The following ADSL variants were observed in gnomAD, a reference collection of about 807,000 sequenced individuals.
ADSL encodes the protein adenylosuccinate lyase.
ADSL carries 44 observed loss-of-function variants against 62.1 expected under a neutral mutation model. That is an observed-to-expected ratio of 0.71 (90% CI 0.56 to 0.91). The LOEUF (loss-of-function observed/expected upper bound fraction) is 0.91, where lower values mean the gene tolerates loss of function less well. Among genes scored for constraint, ADSL ranks in the 40% least tolerant of loss-of-function variants. The pLI is 0.00. For missense variants in ADSL, 531 were observed against 627.4 expected (o/e 0.85, Z 1.64); for synonymous variants, 198 against 220.5 (o/e 0.90, Z 0.90).
At chr22:40,358,090 GT>G (rs2044634666) in intron 4 of ADSL, among the ~76,000 whole-genome samples, 1 of 151,960 alleles carries the variant, frequency 6.6e-6, no homozygotes, top group Non-Finnish European at 1.5e-5. Flanking sequence ...ATCTTGTTTT[GT>G]TTTCTTTTTT....
chr22:40,380,199 A>G (rs76715661), intron 2 of ADSL, among the ~76,000 whole-genome samples: 2 of 152,154 alleles, frequency 1.3e-5, no homozygotes, highest in East Asian at 1.9e-4. Flanking sequence ...TTGTATGACT[A>G]TTAACATTTT....
Position 40,354,319 on chromosome 22 carries a change from A to T in ADSL, c.474A>T (p.Thr158=), listed in dbSNP as rs1309666335. The change falls in exon 4 of 13, where the codon ACA becomes ACT. Residue 158 remains threonine, a synonymous_variant. Transcript: ENST00000623063. ...CCAGTCTACCCACATTAGGTTTCAC[A>T]CATTTCCAGTAAGTGATAAGATTAC... The part of the protein sequence containing the change: ...ERASLPTLGF[T]HFQPAQLTTV... 1 of 1,613,872 alleles carries T rather than the reference A, an allele frequency of 6.2e-7. No homozygotes were observed. Among genetic ancestry groups the T allele is most frequent in the Non-Finnish European group, 8.5e-7 (1 of 1,179,708 alleles).
intron 11 of ADSL, chr22:40,364,582 C>T (rs1317892089): frequency 3.1e-6 from 2 of 652,480 alleles, no homozygotes. Flanking sequence ...AAAGTCCACT[C>T]CTAGTGAAGG....
At chr22:40,381,477 G>C (rs2047573576) in intron 2 of ADSL, among the ~76,000 whole-genome samples, 1 of 152,114 alleles carries the variant, frequency 6.6e-6, no homozygotes, top group Non-Finnish European at 1.5e-5. Flanking sequence ...GCAAGATAGT[G>C]CATTTAGGAA....
Position 40,367,898 on chromosome 22 carries a change from G to A in ADSL, c.*1376G>A, listed in dbSNP as rs1286745886. ...TGTAAATAAGTTAATCTTAAACTCA[G>A]TATGCACCAGAACTGAGAGAAGACT... On this transcript the variant is annotated 3_prime_UTR_variant, in exon 13 of 13. Transcript: ENST00000623063. 2.0e-5 allele frequency: 3 copies of A among 152,210 alleles called. No homozygotes were observed. Among genetic ancestry groups the A allele is most frequent in the Non-Finnish European group, 1.5e-5 (1 of 68,044 alleles). The allele number at this position is 152,210 out of a possible 1,614,324, so 9.4% of individuals were successfully genotyped here.
intron 9 of ADSL, among the ~76,000 whole-genome samples, chr22:40,362,253 G>A (rs926913217): frequency 2.6e-5 from 4 of 152,158 alleles, no homozygotes; most frequent in East Asian, 3.9e-4. Flanking sequence ...TCGCCTGCTC[G>A]CATTTTGCTG....
At chr22:40,381,189 C>G (rs1016723198) in intron 2 of ADSL, among the ~76,000 whole-genome samples, 8 of 151,212 alleles carry the variant, frequency 5.3e-5, no homozygotes, top group African/African-American at 1.9e-4. Context: ...ATTCTGTTGC[C>G]CAGGTTGGAG....
intron 2 of ADSL, chr22:40,387,256 A>G (rs1363157852): frequency 2.5e-6 from 1 of 398,450 alleles, no homozygotes; most frequent in Non-Finnish European, 4.4e-6. Flanking sequence ...ACTGCCACAG[A>G]GTATAATAGC....
intron 12 of ADSL, 145 bp downstream of exon 12, chr22:40,365,201 G>A (rs991588695): frequency 9.8e-6 from 9 of 922,778 alleles, no homozygotes; most frequent in Admixed American, 4.8e-5. Context: ...TAGATATTTC[G>A]GTTTTGTTTC....
chr22:40,383,049 A>G (rs1421110080), intron 2 of ADSL, among the ~76,000 whole-genome samples: 1 of 152,236 alleles, frequency 6.6e-6, no homozygotes, highest in Non-Finnish European at 1.5e-5. Flanking sequence ...CTCATGAAAC[A>G]GGCGATTACT....
intron 2 of ADSL, among the ~76,000 whole-genome samples, chr22:40,380,080 A>G (rs940793577): frequency 2.6e-5 from 4 of 152,144 alleles, no homozygotes; most frequent in African/African-American, 9.7e-5. Flanking sequence ...TGAAATTATA[A>G]TCCCATGGAC....
chr22:40,381,600 A>G (rs1186279773), intron 2 of ADSL, among the ~76,000 whole-genome samples: 1 of 152,224 alleles, frequency 6.6e-6, no homozygotes, highest in African/African-American at 2.4e-5. Flanking sequence ...ATAAATAAGC[A>G]TGAGAGCCCT....
chr22:40,357,096 A>G (rs911482497), intron 4 of ADSL, among the ~76,000 whole-genome samples: 1 of 151,966 alleles, frequency 6.6e-6, no homozygotes, highest in Non-Finnish European at 1.5e-5. Flanking sequence ...GGGTTTTACC[A>G]TGTTGGCCAG....
intron 4 of ADSL, among the ~76,000 whole-genome samples, chr22:40,357,619 G>A (rs1208422220): frequency 6.6e-6 from 1 of 152,178 alleles, no homozygotes; most frequent in Non-Finnish European, 1.5e-5. Context: ...GGTTATGTGT[G>A]TTGTGTAGCT....
intron 2 of ADSL, among the ~76,000 whole-genome samples, chr22:40,374,742 T>C (rs187054790): frequency 8.3e-4 from 127 of 152,318 alleles, no homozygotes; most frequent in Admixed American, 2.0e-3. Flanking sequence ...TTGCCAGTCA[T>C]GGTGATGTGC....
intron 10 of ADSL, among the ~76,000 whole-genome samples, chr22:40,363,822 C>T (rs554358782): frequency 4.6e-5 from 7 of 151,254 alleles, no homozygotes; most frequent in Admixed American, 1.3e-4. Flanking sequence ...TGACAGGGCG[C>T]GGTGGCTTAC....
downstream of ADSL, among the ~76,000 whole-genome samples, chr22:40,374,156 C>G (rs571439313): frequency 3.3e-4 from 50 of 151,542 alleles, no homozygotes; most frequent in African/African-American, 1.1e-3. Context: ...GGGGCTTCAC[C>G]GTGTTAGCCA....
intron 2 of ADSL, among the ~76,000 whole-genome samples, chr22:40,352,339 AAC>A (rs1423358123): frequency 6.6e-6 from 1 of 152,034 alleles, no homozygotes; most frequent in Non-Finnish European, 1.5e-5. Context: ...CATCCTGGCT[AAC>A]ACAGGTGAAA....
At chr22:40,352,176 G>C (rs2044371731) in intron 2 of ADSL, 1 of 152,146 alleles carries the variant, frequency 6.6e-6, no homozygotes, top group African/African-American at 2.4e-5. Context: ...GCAGCTTTAT[G>C]TTTCCTAAAC....
Sources: allele counts gnomAD v4.1 joint callset (sites outside exome capture counted in the v4.1 genomes callset), GRCh38; gene constraint gnomAD v4.1.1; transcripts MANE v1.5; gene names NCBI Gene and HGNC (gene_info 2026-07-23, HGNC 2026-07-21).